The following MYO3A variants were observed in gnomAD, a reference collection of about 807,000 sequenced individuals.
MYO3A encodes the protein myosin IIIA.
A neutral mutation model predicts 192.7 loss-of-function variants in MYO3A; 180 were observed. The ratio of observed to expected loss-of-function variants is 0.93; its 90% CI spans 0.83 to 1.06. MYO3A has a LOEUF of 1.06. Among genes scored for constraint, MYO3A ranks in the 50% least tolerant of loss-of-function variants. MYO3A has a pLI of 0.00. For missense variants in MYO3A, 1,896 were observed against 1,905.0 expected, an observed-to-expected ratio of 1.00 and a Z score of 0.09; for synonymous variants, 628 against 645.3, an observed-to-expected ratio of 0.97 and a Z score of 0.41.
rs1308494880 is a variant in MYO3A, at chr10:26,143,606, G to T, written c.2416+5G>T. 6 of 1,613,696 alleles carry T rather than the reference G, an allele frequency of 3.7e-6. No individual in the cohort carries two copies. The highest frequency in any genetic ancestry group is 4.2e-6 in the Non-Finnish European group (5 of 1,179,806). On this transcript the variant is annotated splice_donor_5th_base_variant and intron_variant, in intron 21 of 34. Transcript: ENST00000642920. The stretch of plus-strand genomic sequence containing the variant: ...CCACTGACCAGACTCTTGTAGGTGA[G>T]TTTTCAGTCCAGTGTGTCTGCATGG...
intron 8 of MYO3A, 143 bp downstream of exon 8, chr10:26,021,791 C>T: frequency 2.7e-6 from 3 of 1,117,150 alleles, no homozygotes; most frequent in Non-Finnish European, 4.0e-6. Context: ...TATTCTGCTT[C>T]TTCTGAGACA....
chr10:26,047,078 T>C (rs1416667585), intron 10 of MYO3A, among the ~76,000 whole-genome samples: 1 of 152,226 alleles, frequency 6.6e-6, no homozygotes, highest in African/African-American at 2.4e-5. Flanking sequence ...CTTCATTAAA[T>C]GGACTCAATT....
chr10:26,028,165 A>G (rs61848911), intron 10 of MYO3A, among the ~76,000 whole-genome samples: 8,207 of 152,060 alleles, frequency 0.054, 300 homozygotes, highest in Non-Finnish European at 0.073. Context: ...GTGATTTTAC[A>G]ACAAGTCTGA....
At chr10:26,001,669 T>TC (rs112113013) in intron 6 of MYO3A, among the ~76,000 whole-genome samples, 14,349 of 152,138 alleles carry the variant, frequency 0.094, 1,196 homozygotes, top group African/African-American at 0.21. Flanking sequence ...CTCTCTTTTC[T>TC]CCTGACACAA....
At chr10:26,063,174 C>G (rs1834615652) in intron 10 of MYO3A, among the ~76,000 whole-genome samples, 1 of 152,082 alleles carries the variant, frequency 6.6e-6, no homozygotes, top group Non-Finnish European at 1.5e-5. Flanking sequence ...AAGTCAATGG[C>G]TGGCTGGATC....
At chr10:26,166,266 G>C in intron 27 of MYO3A, 88 bp downstream of exon 27, 2 of 1,118,562 alleles carry the variant, frequency 1.8e-6, no homozygotes, top group Non-Finnish European at 2.7e-6. Context: ...TGAAAGTATG[G>C]TTTTTTTATG....
At chr10:26,006,661 C>A (rs1344492126) in intron 6 of MYO3A, among the ~76,000 whole-genome samples, 2 of 152,108 alleles carry the variant, frequency 1.3e-5, no homozygotes, top group Admixed American at 6.5e-5. Flanking sequence ...GACACATACA[C>A]CCTCCCGAGA....
chr10:26,132,420 G>T (rs1839593105), intron 20 of MYO3A, among the ~76,000 whole-genome samples: 1 of 152,154 alleles, frequency 6.6e-6, no homozygotes, highest in African/African-American at 2.4e-5. Flanking sequence ...CTGCTCCCTA[G>T]AAGTTTATAC....
At chr10:26,092,486 C>T (rs1432098102) in intron 15 of MYO3A, among the ~76,000 whole-genome samples, 1 of 146,798 alleles carries the variant, frequency 6.8e-6, no homozygotes, top group Admixed American at 6.8e-5. Flanking sequence ...GAATGCAAAC[C>T]TTCATTATTA....
At chr10:26,207,238 C>T in intron 34 of MYO3A, among the ~76,000 whole-genome samples, 1 of 152,102 alleles carries the variant, frequency 6.6e-6, no homozygotes, top group East Asian at 1.9e-4. Flanking sequence ...TCCCATTTGT[C>T]TATTTTTTTG....
intron 27 of MYO3A, 118 bp downstream of exon 27, chr10:26,166,296 C>T (rs1322583654): frequency 9.9e-5 from 87 of 880,040 alleles, no homozygotes; most frequent in South Asian, 1.4e-5. Flanking sequence ...CTATAACTTA[C>T]AATAGAGGAA....
intron 31 of MYO3A, among the ~76,000 whole-genome samples, chr10:26,185,165 AT>A (rs1240064559): frequency 1.3e-5 from 2 of 152,124 alleles, no homozygotes; most frequent in African/African-American, 4.8e-5. Context: ...CTGGCTTTAG[AT>A]TATCCTGGTG....
At chr10:26,195,446 T>C (rs747101763) in intron 32 of MYO3A, among the ~76,000 whole-genome samples, 1 of 152,188 alleles carries the variant, frequency 6.6e-6, no homozygotes, top group Non-Finnish European at 1.5e-5. Flanking sequence ...CACTGTAGCC[T>C]GAGTTGTATT....
intron 10 of MYO3A, among the ~76,000 whole-genome samples, chr10:26,048,497 C>A (rs1843766978): frequency 6.6e-6 from 1 of 152,042 alleles, no homozygotes; most frequent in African/African-American, 2.4e-5. Context: ...ATTATTATTT[C>A]ATGTCTATTC....
chr10:25,969,956 G>A (rs912311990), intron 4 of MYO3A, among the ~76,000 whole-genome samples: 4 of 152,070 alleles, frequency 2.6e-5, no homozygotes, highest in African/African-American at 9.7e-5. Context: ...AGTATAATCA[G>A]AGACAGATGA....
intron 26 of MYO3A, among the ~76,000 whole-genome samples, chr10:26,161,508 A>G (rs1415829172): frequency 1.3e-5 from 2 of 152,204 alleles, no homozygotes; most frequent in African/African-American, 4.8e-5. Flanking sequence ...AGGCAGTAGT[A>G]TGGTGGAGTA....
At chr10:25,967,389 G>C (rs1838330339) in intron 4 of MYO3A, among the ~76,000 whole-genome samples, 1 of 152,136 alleles carries the variant, frequency 6.6e-6, no homozygotes, top group African/African-American at 2.4e-5. Flanking sequence ...CTCCAGAAAG[G>C]TTATACATTG....
At chr10:26,013,082 A>G (rs1187360889) in intron 6 of MYO3A, among the ~76,000 whole-genome samples, 3 of 152,126 alleles carry the variant, frequency 2.0e-5, no homozygotes, top group African/African-American at 7.2e-5. Flanking sequence ...ATGTAGAAGA[A>G]TGAAACTGGA....
chr10:26,028,824 G>A (rs1216046675), intron 10 of MYO3A, among the ~76,000 whole-genome samples: 1 of 152,162 alleles, frequency 6.6e-6, no homozygotes, highest in Non-Finnish European at 1.5e-5. Flanking sequence ...TAGGGGAAAT[G>A]TGGAATAGGT....
Sources: allele counts gnomAD v4.1 joint callset (sites outside exome capture counted in the v4.1 genomes callset), GRCh38; gene constraint gnomAD v4.1.1; transcripts MANE v1.5; gene names NCBI Gene and HGNC (gene_info 2026-07-23, HGNC 2026-07-21).